The following AKAP13 variants were observed in gnomAD, a reference collection of about 807,000 sequenced individuals.
The protein encoded by AKAP13 is A-kinase anchor protein 13.
AKAP13 carries 80 observed loss-of-function variants against 264.5 expected under a neutral mutation model. That is an observed-to-expected ratio of 0.30 (90% CI 0.25 to 0.36). The LOEUF is 0.36. AKAP13 is among the 10% of genes least tolerant of loss of function. The pLI is 1.00. For synonymous variants in AKAP13, 1,380 were observed against 1,250.2 expected (o/e 1.10, Z -2.19); for missense variants, 3,712 against 3,435.2 (o/e 1.08, Z -2.01).
intron 8 of AKAP13, among the ~76,000 whole-genome samples, chr15:85,622,513 A>C (rs990387054): frequency 6.6e-6 from 1 of 152,178 alleles, no homozygotes; most frequent in African/African-American, 2.4e-5. Context: ...CTTAACAGCT[A>C]TGGGGAGGAT....
intron 1 of AKAP13, among the ~76,000 whole-genome samples, chr15:85,381,410 G>A (rs1347090553): frequency 6.6e-6 from 1 of 151,686 alleles, no homozygotes; most frequent in Non-Finnish European, 1.5e-5. Flanking sequence ...CAGGAGACCC[G>A]TGCGGTCCCC....
chr15:85,728,562 G>C (rs1038901580), intron 29 of AKAP13, among the ~76,000 whole-genome samples: 4 of 152,208 alleles, frequency 2.6e-5, no homozygotes, highest in African/African-American at 9.6e-5. Context: ...ATACATCAAT[G>C]ATGGGCCACA....
intron 2 of AKAP13, among the ~76,000 whole-genome samples, chr15:85,512,256 G>A (rs895531534): frequency 3.3e-5 from 5 of 152,216 alleles, no homozygotes; most frequent in Admixed American, 3.3e-4. Flanking sequence ...ACAGCGCAGT[G>A]CACATAATTG....
intron 1 of AKAP13, among the ~76,000 whole-genome samples, chr15:85,481,529 A>G (rs1457860014): frequency 2.0e-5 from 3 of 152,214 alleles, no homozygotes; most frequent in Non-Finnish European, 4.4e-5. Flanking sequence ...GCAGAAAACT[A>G]TTAAATTTGT....
At chr15:85,707,519 C>G (rs2086365290) in intron 17 of AKAP13, among the ~76,000 whole-genome samples, 1 of 152,214 alleles carries the variant, frequency 6.6e-6, no homozygotes, top group Non-Finnish European at 1.5e-5. Flanking sequence ...TGCTTTATTA[C>G]AGTCATACAA....
chr15:85,646,117 C>T (rs763407419), intron 10 of AKAP13, among the ~76,000 whole-genome samples, 163 bp downstream of exon 10: 2 of 152,188 alleles, frequency 1.3e-5, no homozygotes, highest in Non-Finnish European at 1.5e-5. Flanking sequence ...TGTAGGGCCT[C>T]ACTCACTCTG....
In AKAP13 at chr15:85,745,501, G is replaced by T. The variant is rs549726244; in HGVS notation, c.*824G>T. 4 of 151,886 alleles carry T rather than the reference G, an allele frequency of 2.6e-5. No individual in the cohort carries two copies. Among genetic ancestry groups the T allele is most frequent in the African/African-American group, 9.7e-5 (4 of 41,304 alleles). The allele number at this position is 151,886 out of a possible 1,614,324, so 9.4% of individuals were successfully genotyped here. A position where few individuals can be genotyped will look rare whatever the true frequency, so the allele number is the denominator to read the frequency against. On this transcript the variant is annotated 3_prime_UTR_variant, in exon 37 of 37. Transcript: ENST00000394518. ...CCAGCATGTTTACCCACATGTTTTG[G>T]CCATGGATAAAGTGAAGAGGCCTAC... is the stretch of plus-strand genomic sequence containing the variant.
intron 11 of AKAP13, among the ~76,000 whole-genome samples, chr15:85,657,338 A>G (rs1433297756): frequency 6.6e-6 from 1 of 152,210 alleles, no homozygotes; most frequent in Non-Finnish European, 1.5e-5. Flanking sequence ...GGAGATAGGT[A>G]AACAAGACAA....
At position 85,576,900 on chromosome 15, in the gene AKAP13, C is replaced by T. The variant is rs578236792; in HGVS notation, c.861+1571C>T. Among the ~76,000 whole-genome samples, 53 of 152,230 alleles carry T rather than the reference C, an allele frequency of 3.5e-4. 1 individual carries two copies. In the South Asian group the frequency reaches 7.5e-3, roughly 21 times the overall value. ...TATGGAAATGGTTGGCAGGCAAATA[C>T]GAGAAATTAAAACTGTGGGAACATA... On this transcript the variant is annotated intron_variant, in intron 6 of 36. Coordinates refer to ENST00000394518, the MANE Select transcript of AKAP13 (RefSeq NM_007200.5).
intron 14 of AKAP13, among the ~76,000 whole-genome samples, chr15:85,673,971 G>A (rs1045047451): frequency 6.6e-6 from 1 of 151,520 alleles, no homozygotes; most frequent in Admixed American, 6.6e-5. Context: ...GATTACAGGC[G>A]TGAGCCACCG....
At chr15:85,710,269 A>T (rs2086567375) in intron 18 of AKAP13, among the ~76,000 whole-genome samples, 2 of 152,178 alleles carry the variant, frequency 1.3e-5, no homozygotes, top group Admixed American at 1.3e-4. Context: ...GCCTTGGGTG[A>T]GGAGAGGAGA....
intron 1 of AKAP13, among the ~76,000 whole-genome samples, chr15:85,434,748 G>A (rs2073194953): frequency 1.3e-5 from 2 of 152,048 alleles, no homozygotes; most frequent in South Asian, 2.1e-4. Context: ...TAACAGACCT[G>A]CAGCTGAGGG....
chr15:85,436,466 C>G (rs2073300857), intron 1 of AKAP13, among the ~76,000 whole-genome samples: 1 of 144,774 alleles, frequency 6.9e-6, no homozygotes, highest in Admixed American at 7.0e-5. Flanking sequence ...ACCAAGCGGA[C>G]CTAATAGACA....
chr15:85,387,390 G>A (rs1362273819), intron 1 of AKAP13, among the ~76,000 whole-genome samples: 6 of 152,128 alleles, frequency 3.9e-5, no homozygotes, highest in Admixed American at 3.9e-4. Context: ...GAATGCAGTG[G>A]TAGGATAACC....
At chr15:85,544,224 T>C in intron 5 of AKAP13, 4 of 563,784 alleles carry the variant, frequency 7.1e-6, no homozygotes, top group Non-Finnish European at 1.3e-5. Flanking sequence ...ACTATTTTAC[T>C]CAAAAGTCAG....
intron 1 of AKAP13, among the ~76,000 whole-genome samples, chr15:85,456,478 T>C (rs2150988521): frequency 6.6e-6 from 1 of 152,008 alleles, no homozygotes; most frequent in Admixed American, 6.5e-5. Flanking sequence ...TTTAATTTAA[T>C]TTTATTTTTT....
At chr15:85,602,320 C>T (rs1057069380) in intron 8 of AKAP13, among the ~76,000 whole-genome samples, 21 of 151,482 alleles carry the variant, frequency 1.4e-4, no homozygotes, top group Admixed American at 5.9e-4. Flanking sequence ...AGATTACAGG[C>T]GTGCGTCACC....
chr15:85,708,093 CT>C lies in AKAP13; in HGVS notation c.5532+10del, dbSNP rs780168646. On this transcript the variant is annotated splice_region_variant and intron_variant, in intron 18 of 36. Transcript: ENST00000394518. The surrounding 1 kb of genome is among the most constrained non-coding windows in gnomAD (Gnocchi z 4.3). ...TGCAAAGGTCAAAATGAAGGTAAGA[CT>C]TTCTGGCTAAAACAAGGCTTAAAAT... is the stretch of plus-strand genomic sequence containing the variant. 3.1e-6 allele frequency: 5 copies of C among 1,613,268 alleles called. No individual in the cohort carries two copies. In the African/African-American group the frequency reaches 6.7e-5, roughly 22 times the overall value.
intron 14 of AKAP13, among the ~76,000 whole-genome samples, chr15:85,671,638 AT>A (rs11321427): frequency 0.69 from 102,778 of 148,610 alleles, 36,246 homozygotes; most frequent in African/African-American, 0.85. Flanking sequence ...GCTTGTTTGG[AT>A]TTTTTTTTTT....
Sources: gnomAD v4.1 joint callset for allele counts (sites outside exome capture counted in the v4.1 genomes callset) on GRCh38, gnomAD v4.1.1 for gene constraint, Gnocchi (gnomAD v3.1) non-coding constraint, MANE v1.5 for transcripts, NCBI Gene and HGNC (gene_info 2026-07-23, HGNC 2026-07-21) for gene names.